Variants in KAT6A observed in about 807,000 individuals in gnomAD.
KAT6A encodes the protein histone acetyltransferase KAT6A.
Under a neutral mutation model 198.4 loss-of-function variants are expected in KAT6A, and 9 were observed. The ratio of observed to expected loss-of-function variants is 0.05; its 90% CI spans 0.03 to 0.08. KAT6A has a LOEUF of 0.08. Ranked by LOEUF, KAT6A falls within the 10% of genes least tolerant of loss-of-function variation. KAT6A has a pLI of 1.00. For missense variants in KAT6A, 2,077 were observed against 2,509.9 expected (o/e 0.83, Z 3.69); for synonymous variants, 890 against 883.0 (o/e 1.01, Z -0.14).
At position 41,930,383 on chromosome 8, in the gene KAT6A, C is replaced by G. The variant is rs1166016315; in HGVS notation, c.*1822G>C. 4.4e-6 allele frequency: 1 copy of G among 226,698 alleles called. No individual in the cohort carries two copies. Among genetic ancestry groups the G allele is most frequent in the Non-Finnish European group, 8.8e-6 (1 of 114,250 alleles). The allele number at this position is 226,698 out of a possible 1,614,324, so 14.0% of individuals were successfully genotyped here. A position where few individuals can be genotyped will look rare whatever the true frequency, so the allele number is the denominator to read the frequency against. On this transcript the variant is annotated 3_prime_UTR_variant, in exon 17 of 17. Coordinates refer to ENST00000265713, the MANE Select transcript of KAT6A (RefSeq NM_006766.5). ...TACAGAGAAACTGGGTCCTACACAG[C>G]CTTGCACATGCTCAGAGCTGAGAGC...
chr8:42,044,098 CTTTT>C (rs36067311), intron 2 of KAT6A, among the ~76,000 whole-genome samples: 3 of 127,886 alleles, frequency 2.3e-5, no homozygotes, highest in Admixed American at 8.1e-5. Flanking sequence ...TGGGTAAAAA[CTTTT>C]TTTTTTTTTT....
chr8:41,945,484 C>A (rs188369617), intron 12 of KAT6A, among the ~76,000 whole-genome samples: 1 of 152,048 alleles, frequency 6.6e-6, no homozygotes, highest in East Asian at 1.9e-4. Flanking sequence ...GTTGGGCAGG[C>A]TGGTCTCAAA....
chr8:42,027,727 A>G (rs1826897963), intron 2 of KAT6A, among the ~76,000 whole-genome samples: 2 of 152,068 alleles, frequency 1.3e-5, no homozygotes, highest in South Asian at 4.2e-4. Flanking sequence ...GTCTTTTTAA[A>G]AAACTTTTCA....
rs184614422 is a variant in KAT6A, at chr8:42,045,572, A to C, written c.600+2806T>G. 1.9e-4 allele frequency among the ~76,000 whole-genome samples: 29 copies of C among 151,820 alleles called. 1 individual carries two copies. The highest frequency in any genetic ancestry group is 6.6e-4 in the Admixed American group (10 of 15,260). On this transcript the variant is annotated intron_variant, in intron 2 of 16. Coordinates refer to ENST00000265713, the MANE Select transcript of KAT6A (RefSeq NM_006766.5). ...AGCGAAATTCCATCTCAAAAAAAAA[A>C]AAAAAACAAAAAAACACTATATATG...
chr8:42,031,824 T>C (rs1172212060), intron 2 of KAT6A, among the ~76,000 whole-genome samples: 2 of 151,418 alleles, frequency 1.3e-5, no homozygotes, highest in East Asian at 3.9e-4. Context: ...AGAGATAGGG[T>C]TTTGTCATGT....
At chr8:42,003,433 T>A (rs905747236) in intron 2 of KAT6A, among the ~76,000 whole-genome samples, 1 of 149,430 alleles carries the variant, frequency 6.7e-6, no homozygotes, top group Non-Finnish European at 1.5e-5. Flanking sequence ...AAGCTTCCAA[T>A]AATTCAAACC....
chr8:42,022,808 G>T (rs1016390428), intron 2 of KAT6A, among the ~76,000 whole-genome samples: 2 of 151,972 alleles, frequency 1.3e-5, no homozygotes, highest in Admixed American at 6.5e-5. Flanking sequence ...ATTAACAAGG[G>T]GCTACATATA....
chr8:42,017,402 C>T (rs940986811), intron 2 of KAT6A, among the ~76,000 whole-genome samples: 3 of 152,042 alleles, frequency 2.0e-5, no homozygotes, highest in Non-Finnish European at 1.5e-5. Context: ...GGGAGAAAAA[C>T]GTCATAGTAT....
At chr8:42,008,147 A>T (rs1825841297) in intron 2 of KAT6A, among the ~76,000 whole-genome samples, 1 of 152,042 alleles carries the variant, frequency 6.6e-6, no homozygotes, top group Admixed American at 6.5e-5. Flanking sequence ...ACCCCCCAAA[A>T]AAAACCCTCA....
rs374009757 is a variant in KAT6A, at chr8:41,949,305, G to A, written c.1657C>T (p.Leu553=). The A allele has an allele frequency of 1.8e-5, 29 of 1,577,124 alleles. No homozygotes were observed. The highest frequency in any genetic ancestry group is 3.3e-4 in the Middle Eastern group (2 of 6,022). ...CLKYMKSRTI[L]QQHMKKCGWF... is the part of the protein sequence containing the mutation. ...CCACATTTCTTCATGTGCTGCTGCA[G>A]AATAGTTCTACTTTTCATATATTTT... Residue 553 remains leucine, a synonymous_variant, in exon 10 of 17, where the codon CTG becomes TTG. Coordinates refer to ENST00000265713, the MANE Select transcript of KAT6A (RefSeq NM_006766.5).
chr8:42,038,061 T>G (rs1157710664), intron 2 of KAT6A, among the ~76,000 whole-genome samples: 2 of 152,322 alleles, frequency 1.3e-5, no homozygotes, highest in East Asian at 3.9e-4. Flanking sequence ...TAAAAATTAC[T>G]TCATTAATTA....
intron 2 of KAT6A, among the ~76,000 whole-genome samples, chr8:42,010,565 C>T (rs900390585): frequency 6.6e-6 from 1 of 152,190 alleles, no homozygotes; most frequent in Admixed American, 6.5e-5. Flanking sequence ...AGTCTCTTCA[C>T]GATTCCAAAC....
chr8:41,944,300 A>G (rs1158570724), intron 12 of KAT6A, among the ~76,000 whole-genome samples: 1 of 152,214 alleles, frequency 6.6e-6, no homozygotes, highest in Non-Finnish European at 1.5e-5. Context: ...CAAGCCTTGC[A>G]TGCTTTATTT....
intron 2 of KAT6A, among the ~76,000 whole-genome samples, chr8:42,012,722 A>G (rs912774516): frequency 5.3e-5 from 8 of 152,236 alleles, no homozygotes; most frequent in African/African-American, 1.9e-4. Context: ...CAGCAGCCAC[A>G]GGAAACTACT....
At chr8:41,959,418 T>C (rs1452585295) in intron 8 of KAT6A, among the ~76,000 whole-genome samples, 1 of 152,138 alleles carries the variant, frequency 6.6e-6, no homozygotes, top group Non-Finnish European at 1.5e-5. Flanking sequence ...GAATACAAAA[T>C]GGCACAGCTG....
intron 3 of KAT6A, among the ~76,000 whole-genome samples, chr8:41,984,625 A>AT (rs1334594252): frequency 6.6e-6 from 1 of 152,230 alleles, no homozygotes; most frequent in Non-Finnish European, 1.5e-5. Context: ...GATTTAGAGT[A>AT]ATTTATTTCT....
chr8:41,998,162 AC>A (rs1224679659), intron 2 of KAT6A, among the ~76,000 whole-genome samples: 8 of 152,188 alleles, frequency 5.3e-5, no homozygotes, highest in Admixed American at 5.2e-4. Flanking sequence ...TTTTCAAAGC[AC>A]TTATAAATGT....
intron 8 of KAT6A, among the ~76,000 whole-genome samples, chr8:41,972,674 G>C (rs1823856114): frequency 6.6e-6 from 1 of 152,160 alleles, no homozygotes; most frequent in African/African-American, 2.4e-5. Flanking sequence ...ATTGGAAGGA[G>C]ACTAGAGAGA....
chr8:42,012,972 T>C (rs1037529640), intron 2 of KAT6A, among the ~76,000 whole-genome samples: 2 of 152,074 alleles, frequency 1.3e-5, no homozygotes, highest in African/African-American at 2.4e-5. Flanking sequence ...TATACTTGAT[T>C]CCATTTATAT....
Sources: gnomAD v4.1 joint callset for allele counts (sites outside exome capture counted in the v4.1 genomes callset) on GRCh38, gnomAD v4.1.1 for gene constraint, MANE v1.5 for transcripts, NCBI Gene and HGNC (gene_info 2026-07-23, HGNC 2026-07-21) for gene names.